The following WIPF3 variants were observed in gnomAD, a reference collection of about 807,000 sequenced individuals.
WIPF3 encodes the protein WAS/WASL interacting protein family member 3, also known as WAS/WASL-interacting protein family member 3.
WIPF3 carries 33 observed loss-of-function variants against 38.9 expected under a neutral mutation model. The observed-to-expected ratio is 0.85, with a 90% confidence interval of 0.64 to 1.14. WIPF3 has a LOEUF of 1.14. Among genes scored for constraint, WIPF3 ranks in the 50% most tolerant of loss-of-function variants. The pLI is 0.00. For synonymous variants in WIPF3, 324 were observed against 269.3 expected (o/e 1.20, Z -1.99); for missense variants, 711 against 652.5 (o/e 1.09, Z -0.98).
intron 2 of WIPF3, among the ~76,000 whole-genome samples, chr7:29,860,700 G>A (rs1785260212): frequency 6.6e-6 from 1 of 152,202 alleles, no homozygotes; most frequent in Admixed American, 6.5e-5. Flanking sequence ...AGTTCAAATG[G>A]TATGGGTGAG....
intron 2 of WIPF3, among the ~76,000 whole-genome samples, chr7:29,873,323 A>G (rs1785531392): frequency 6.6e-6 from 1 of 152,172 alleles, no homozygotes; most frequent in African/African-American, 2.4e-5. Flanking sequence ...GAATATTATT[A>G]TAATTCAGTG....
chr7:29,884,697 AGGGGTGAG>A, intron 5 of WIPF3, 104 bp downstream of exon 5: 1 of 1,426,952 alleles, frequency 7.0e-7, no homozygotes, highest in Non-Finnish European at 9.2e-7. Context: ...GATGGACACC[AGGGGTGAG>A]GGAGGCAGAG....
chr7:29,916,459 G>T lies in WIPF3; in HGVS notation c.*1943G>T, dbSNP rs1971648. 52,626 of 151,984 alleles carry T rather than the reference G, an allele frequency of 0.35. 9,376 individuals carry two copies. The highest frequency in any genetic ancestry group is 0.41 in the African/African-American group (16,937 of 41,426). The allele number at this position is 151,984 out of a possible 1,614,324, so 9.4% of individuals were successfully genotyped here. On this transcript the variant is annotated 3_prime_UTR_variant, in exon 9 of 9. Coordinates refer to ENST00000242140, the MANE Select transcript of WIPF3 (RefSeq NM_001080529.3). ...CGGGCCAGGAGCAGTGGCTCATGCA[G>T]GTAATCCCAGCATGGGAGGCTGAGG...
chr7:29,909,642 A>G (rs1786466338), intron 8 of WIPF3, among the ~76,000 whole-genome samples: 1 of 152,200 alleles, frequency 6.6e-6, no homozygotes, highest in Admixed American at 6.5e-5. Context: ...TACACATGTA[A>G]TCACAGGTCT....
chr7:29,832,902 A>G (rs1784744261), intron 1 of WIPF3, among the ~76,000 whole-genome samples: 1 of 152,238 alleles, frequency 6.6e-6, no homozygotes, highest in Non-Finnish European at 1.5e-5. Context: ...CATTTCTCAC[A>G]ACACCCCAAA....
intron 1 of WIPF3, among the ~76,000 whole-genome samples, chr7:29,808,690 AGTGTGTGTGT>A (rs59634993): frequency 0.43 from 64,875 of 150,406 alleles, 14,216 homozygotes; most frequent in African/African-American, 0.52. Flanking sequence ...GAATGGAGGA[AGTGTGTGTGT>A]GTGTGTGTGT....
intron 5 of WIPF3, 23 bp downstream of exon 5, chr7:29,884,616 G>A (rs922946179): frequency 1.3e-6 from 2 of 1,589,008 alleles, no homozygotes; most frequent in Admixed American, 1.8e-5. Flanking sequence ...GCCTGGCCCA[G>A]TGCCCCTGGT....
intron 2 of WIPF3, among the ~76,000 whole-genome samples, chr7:29,845,785 C>T (rs1486422506): frequency 6.6e-6 from 1 of 152,246 alleles, no homozygotes; most frequent in African/African-American, 2.4e-5. Context: ...GACAGAGAGT[C>T]TGTGCCTAGG....
intron 2 of WIPF3, among the ~76,000 whole-genome samples, chr7:29,838,860 C>T (rs1057302787): frequency 1.3e-5 from 2 of 152,192 alleles, no homozygotes; most frequent in African/African-American, 4.8e-5. Context: ...GTGTTATGGT[C>T]ATGCTCTAAA....
intron 8 of WIPF3, among the ~76,000 whole-genome samples, chr7:29,913,812 ATCC>A (rs1786550920): frequency 6.6e-6 from 1 of 152,190 alleles, no homozygotes; most frequent in African/African-American, 2.4e-5. Flanking sequence ...AGGGACAAGA[ATCC>A]TCCTCACTAC....
In WIPF3 at chr7:29,823,472, A is replaced by G. The variant is rs775531802; in HGVS notation, c.-57-11196A>G. On this transcript the variant is annotated intron_variant, in intron 1 of 8. Coordinates refer to ENST00000242140, the MANE Select transcript of WIPF3 (RefSeq NM_001080529.3). The surrounding 1 kb of genome is among the most constrained non-coding windows in gnomAD (Gnocchi z 4.0). ...TAGTTTGCAATATTTTTCTTTAATA[A>G]TCATTAAGATGATATCTCATTTCTA... Among the ~76,000 whole-genome samples, 12 of 152,226 alleles carry G rather than the reference A, an allele frequency of 7.9e-5. No homozygotes were observed. Among genetic ancestry groups the G allele is most frequent in the Non-Finnish European group, 1.8e-4 (12 of 68,042 alleles).
intron 2 of WIPF3, among the ~76,000 whole-genome samples, chr7:29,863,655 C>G (rs1785337804): frequency 6.6e-6 from 1 of 152,162 alleles, no homozygotes; most frequent in African/African-American, 2.4e-5. Context: ...ACAGATCAAC[C>G]TGGGAAGAAC....
At chr7:29,867,549 G>C (rs907164493) in intron 2 of WIPF3, among the ~76,000 whole-genome samples, 1 of 140,206 alleles carries the variant, frequency 7.1e-6, no homozygotes, top group Admixed American at 7.2e-5. Context: ...CTCTGCCCCC[G>C]CCCCCTCCAC....
intron 2 of WIPF3, among the ~76,000 whole-genome samples, chr7:29,863,629 G>A (rs1785337149): frequency 6.6e-6 from 1 of 152,134 alleles, no homozygotes; most frequent in African/African-American, 2.4e-5. Flanking sequence ...ATTTTGATTG[G>A]AATTGCATTG....
intron 2 of WIPF3, among the ~76,000 whole-genome samples, chr7:29,871,035 A>T (rs1434791825): frequency 6.6e-6 from 1 of 151,968 alleles, no homozygotes; most frequent in East Asian, 1.9e-4. Flanking sequence ...TTGGAATTGG[A>T]TATTTGGGTT....
At chr7:29,892,898 T>C (rs1786053297) in intron 7 of WIPF3, among the ~76,000 whole-genome samples, 1 of 152,120 alleles carries the variant, frequency 6.6e-6, no homozygotes, top group Non-Finnish European at 1.5e-5. Flanking sequence ...AAACCCTGTC[T>C]CTACTAAAAA....
At chr7:29,808,853 C>T (rs1375367117) in intron 1 of WIPF3, among the ~76,000 whole-genome samples, 1 of 151,972 alleles carries the variant, frequency 6.6e-6, no homozygotes, top group Non-Finnish European at 1.5e-5. Context: ...CCAACACATA[C>T]ACAAAGAATA....
chr7:29,839,165 G>A lies in WIPF3; in HGVS notation c.90+4351G>A. ...GGCAAGACTCTAATTCTTGACACAG[G>A]TGGCGATGACATACAGTATCACTTT... On this transcript the variant is annotated intron_variant, in intron 2 of 8. Transcript: ENST00000242140. Among the ~76,000 whole-genome samples, 2 of 152,148 alleles carry A rather than the reference G, an allele frequency of 1.3e-5. 1 individual carries two copies. Among genetic ancestry groups the A allele is most frequent in the East Asian group, 3.8e-4 (2 of 5,200 alleles).
At chr7:29,830,497 G>A (rs1181847625) in intron 1 of WIPF3, among the ~76,000 whole-genome samples, 1 of 151,910 alleles carries the variant, frequency 6.6e-6, no homozygotes, top group East Asian at 1.9e-4. Context: ...GTGTGTGCCT[G>A]TAGTCCTAGC....
Sources: allele counts gnomAD v4.1 joint callset (sites outside exome capture counted in the v4.1 genomes callset), GRCh38; gene constraint gnomAD v4.1.1; non-coding constraint Gnocchi (gnomAD v3.1); transcripts MANE v1.5; gene names NCBI Gene and HGNC (gene_info 2026-07-23, HGNC 2026-07-21).